KCNIP1: variants seen among roughly 807,000 people sequenced by gnomAD.
KCNIP1 encodes potassium voltage-gated channel interacting protein 1.
A neutral mutation model predicts 33.0 loss-of-function variants in KCNIP1; 18 were observed. The ratio of observed to expected loss-of-function variants is 0.55; its 90% CI spans 0.38 to 0.81. The LOEUF is 0.81. Among genes scored for constraint, KCNIP1 ranks in the 30% least tolerant of loss-of-function variants. The pLI is 0.00. For missense variants in KCNIP1, 238 were observed against 271.6 expected (o/e 0.88, Z 0.87); for synonymous variants, 93 against 98.3 (o/e 0.95, Z 0.32).
intron 4 of KCNIP1, among the ~76,000 whole-genome samples, 187 bp downstream of exon 4, chr5:170,722,090 G>A (rs553126369): frequency 1.4e-3 from 207 of 152,276 alleles, no homozygotes; most frequent in African/African-American, 4.9e-3. Flanking sequence ...TGGCCTGCAG[G>A]AACTCAGGGA....
At chr5:170,646,908 G>A (rs1471362230) in intron 1 of KCNIP1, among the ~76,000 whole-genome samples, 1 of 152,048 alleles carries the variant, frequency 6.6e-6, no homozygotes, top group Non-Finnish European at 1.5e-5. Context: ...TGCAGGATAA[G>A]GTTAATATAC....
chr5:170,696,548 G>A (rs67736388), intron 1 of KCNIP1, among the ~76,000 whole-genome samples: 18,823 of 152,128 alleles, frequency 0.12, 1,411 homozygotes, highest in African/African-American at 0.21. Context: ...CCCTTGAAAC[G>A]AGATTTGAGA....
chr5:170,734,767 T>C (rs1402374935), intron 7 of KCNIP1, among the ~76,000 whole-genome samples: 3 of 152,210 alleles, frequency 2.0e-5, no homozygotes, highest in Non-Finnish European at 4.4e-5. Flanking sequence ...AGCACATACA[T>C]AAACATCACA....
At chr5:170,615,465 C>T (rs1456285694) in intron 1 of KCNIP1, among the ~76,000 whole-genome samples, 1 of 152,214 alleles carries the variant, frequency 6.6e-6, no homozygotes, top group East Asian at 1.9e-4. Context: ...TAAGTTTCTG[C>T]AATCATGGAG....
chr5:170,491,877 A>T (rs1757214184), intron 1 of KCNIP1, among the ~76,000 whole-genome samples: 1 of 152,162 alleles, frequency 6.6e-6, no homozygotes. Context: ...CGTCTGTGAA[A>T]ATAGGGCCCA....
At chr5:170,495,017 C>T (rs1275016894) in intron 1 of KCNIP1, among the ~76,000 whole-genome samples, 1 of 152,154 alleles carries the variant, frequency 6.6e-6, no homozygotes, top group Non-Finnish European at 1.5e-5. Context: ...GTAACTCACT[C>T]TGATGTACCA....
intron 1 of KCNIP1, among the ~76,000 whole-genome samples, chr5:170,682,117 CT>C: frequency 6.6e-6 from 1 of 152,258 alleles, no homozygotes; most frequent in African/African-American, 2.4e-5. Context: ...AGACAAAGGA[CT>C]AGCTAAAATA....
At chr5:170,535,560 GCTT>G (rs1755953512) in intron 1 of KCNIP1, among the ~76,000 whole-genome samples, 3 of 152,124 alleles carry the variant, frequency 2.0e-5, no homozygotes, top group Admixed American at 2.0e-4. Context: ...GCTCCCTCCT[GCTT>G]GGCCCCAAAC....
chr5:170,635,193 C>T (rs2113682277), intron 1 of KCNIP1, among the ~76,000 whole-genome samples: 1 of 152,290 alleles, frequency 6.6e-6, no homozygotes, highest in East Asian at 1.9e-4. Flanking sequence ...CCACACCCAG[C>T]TAATTTTTGT....
At chr5:170,526,613 A>G (rs1755578447) in intron 1 of KCNIP1, among the ~76,000 whole-genome samples, 1 of 151,796 alleles carries the variant, frequency 6.6e-6, no homozygotes, top group South Asian at 2.1e-4. Flanking sequence ...GGAGGAGAAG[A>G]CTGAGGTGTC....
chr5:170,496,605 T>A (rs1298032347), intron 1 of KCNIP1, among the ~76,000 whole-genome samples: 1 of 152,184 alleles, frequency 6.6e-6, no homozygotes, highest in Non-Finnish European at 1.5e-5. Context: ...ATGCAATTAT[T>A]CTATCACCTC....
intron 1 of KCNIP1, among the ~76,000 whole-genome samples, chr5:170,511,688 G>C (rs1279862273): frequency 6.6e-6 from 1 of 152,188 alleles, no homozygotes; most frequent in Non-Finnish European, 1.5e-5. Context: ...CCCCAACCCT[G>C]GAGGACAAGA....
chr5:170,551,267 A>G (rs942123047), intron 1 of KCNIP1, among the ~76,000 whole-genome samples: 5 of 152,184 alleles, frequency 3.3e-5, no homozygotes, highest in African/African-American at 1.2e-4. Flanking sequence ...GGTTCCTGCA[A>G]TGCTTTCTCC....
intron 1 of KCNIP1, among the ~76,000 whole-genome samples, chr5:170,555,397 T>C (rs1231645226): frequency 6.6e-6 from 1 of 152,188 alleles, no homozygotes; most frequent in East Asian, 1.9e-4. Context: ...TGTGCCCATT[T>C]GGTATTGAAT....
intron 1 of KCNIP1, among the ~76,000 whole-genome samples, chr5:170,423,745 C>A (rs114008340): frequency 6.6e-6 from 1 of 152,116 alleles, no homozygotes; most frequent in African/African-American, 2.4e-5. Flanking sequence ...TGCGGGGGTG[C>A]GTCTGGCTTT....
intron 1 of KCNIP1, among the ~76,000 whole-genome samples, chr5:170,656,996 C>CTT (rs397999901): frequency 0.013 from 1,431 of 109,638 alleles, 42 homozygotes; most frequent in African/African-American, 0.031. Context: ...TTCTTTCTTT[C>CTT]TTTTTTTTTT....
chr5:170,663,242 A>G (rs1005582658), intron 1 of KCNIP1, among the ~76,000 whole-genome samples: 1 of 152,212 alleles, frequency 6.6e-6, no homozygotes, highest in East Asian at 1.9e-4. Context: ...TCTGAGCCAG[A>G]GTGAAACTCT....
At chr5:170,652,900 A>C (rs1476345377) in intron 1 of KCNIP1, among the ~76,000 whole-genome samples, 1 of 152,244 alleles carries the variant, frequency 6.6e-6, no homozygotes, top group African/African-American at 2.4e-5. Context: ...CCCTGGGTGC[A>C]TACCCCCACC....
Position 170,581,446 on chromosome 5 carries a change from T to C in KCNIP1, c.61+76813T>C, listed in dbSNP as rs527382436. 7.9e-5 allele frequency among the ~76,000 whole-genome samples: 12 copies of C among 152,358 alleles called. No homozygotes were observed. The South Asian group carries it at 2.5e-3, about 32-fold the overall frequency. On this transcript the variant is annotated intron_variant, in intron 1 of 7. Transcript: ENST00000328939. ...ATGCACTTCATGTGCCAGCTTTTAA[T>C]TCATTGGTCATGGTTTCCTGAAGTG...
Sources: gnomAD v4.1 joint callset for allele counts (sites outside exome capture counted in the v4.1 genomes callset) on GRCh38, gnomAD v4.1.1 for gene constraint, MANE v1.5 for transcripts, NCBI Gene and HGNC (gene_info 2026-07-23, HGNC 2026-07-21) for gene names.